ABCB6: variants seen among roughly 807,000 people sequenced by gnomAD.
The protein encoded by ABCB6 is ATP binding cassette subfamily B member 6 (LAN blood group).
ABCB6 carries 87 observed loss-of-function variants against 99.4 expected under a neutral mutation model. That is an observed-to-expected ratio of 0.88 (90% CI 0.74 to 1.05). The LOEUF (loss-of-function observed/expected upper bound fraction) is 1.05, where lower values mean the gene tolerates loss of function less well. Ranked by LOEUF, ABCB6 falls within the 50% of genes least tolerant of loss-of-function variation. The pLI is 0.00. For missense variants in ABCB6, 1,050 were observed against 1,097.9 expected, an observed-to-expected ratio of 0.96 and a Z score of 0.62; for synonymous variants, 482 against 447.5, an observed-to-expected ratio of 1.08 and a Z score of -0.97.
At chr2:219,211,574 G>T (rs1377860777) in intron 14 of ABCB6, among the ~76,000 whole-genome samples, 1 of 151,118 alleles carries the variant, frequency 6.6e-6, no homozygotes, top group East Asian at 1.9e-4. Context: ...AAAGTGTTGG[G>T]ATTACAGGTG....
chr2:219,215,829 A>G (rs761915464), intron 5 of ABCB6, 168 bp downstream of exon 5: 4 of 641,624 alleles, frequency 6.2e-6, no homozygotes, highest in Non-Finnish European at 4.8e-6. Context: ...CTCTGCCCGC[A>G]TTACCTAAGT....
Position 219,213,005 on chromosome 2 carries a change from C to T in ABCB6, c.1863+3G>A, listed in dbSNP as rs758584770. 48 of 1,613,948 alleles carry T rather than the reference C, an allele frequency of 3.0e-5. No homozygotes were observed. Among genetic ancestry groups the T allele is most frequent in the Non-Finnish European group, 4.1e-5 (48 of 1,179,914 alleles). On this transcript the variant is annotated splice_donor_region_variant and intron_variant, in intron 13 of 18. Coordinates refer to ENST00000265316, the MANE Select transcript of ABCB6 (RefSeq NM_005689.4). ...TGGGCCAAGTGGCTGGGTCTCCTCT[C>T]ACCAGGGCAAGTGTCTGTCCAGGCA...
At position 219,211,098 on chromosome 2, in the gene ABCB6, G is replaced by A. The variant is rs140239756; in HGVS notation, c.1979C>T (p.Ala660Val). The A allele has an allele frequency of 1.9e-5, 30 of 1,613,984 alleles. No individual in the cohort carries two copies. The African/African-American group carries it at 4.0e-4, about 22-fold the overall frequency. Residue 660 changes from alanine (A) to valine (V), a missense_variant, in exon 15 of 19, where the codon GCC becomes GTC. Transcript: ENST00000265316. ...AACTCCAATGTGAGACCGGAGAGAG[G>A]CCTGGGTCACCTAGGGCCAAAAGAC... is the stretch of plus-strand genomic sequence containing the variant. The part of the protein sequence containing the change: ...DGQDISQVTQ[A>V]SLRSHIGVVP...
chr2:219,217,987 C>T, intron 1 of ABCB6, 138 bp downstream of exon 1: 2 of 1,372,136 alleles, frequency 1.5e-6, no homozygotes, highest in Non-Finnish European at 1.9e-6. Context: ...TGGCTATCAG[C>T]TCCCGGCAGG....
chr2:219,216,372 C>A lies in ABCB6; in HGVS notation c.962G>T (p.Gly321Val). 1 of 1,613,938 alleles carries A rather than the reference C, an allele frequency of 6.2e-7. No individual in the cohort carries two copies. The highest frequency in any genetic ancestry group is 8.5e-7 in the Non-Finnish European group (1 of 1,179,834). Residue 321 changes from glycine to valine, a missense_variant, in exon 4 of 19, where the codon GGC becomes GTC. Physicochemically the swap from Gly to Val is moderately radical, Grantham distance 109. Coordinates refer to ENST00000265316, the MANE Select transcript of ABCB6 (RefSeq NM_005689.4). This position sits in a 1 kb window ranked among gnomAD's most constrained non-coding sequence, Gnocchi z 4.2. Reference sequence around the variant, plus strand: ...GGCGGAGTCTCTCATACCTGTACTGCCAGTGCCACCCCCCTGGAGGAACTT... The same window carrying A: ...GGCGGAGTCTCTCATACCTGTACTGACAGTGCCACCCCCCTGGAGGAACTT... ...FLKFLQGGGT[G>V]STGFVSNLRT...
chr2:219,211,292 C>A (rs1950576251), intron 14 of ABCB6, among the ~76,000 whole-genome samples, 184 bp from the exon 15 acceptor site: 2 of 152,178 alleles, frequency 1.3e-5, no homozygotes, highest in South Asian at 4.1e-4. Context: ...TCCTGCTTCA[C>A]CAGATTGCTG....
chr2:219,215,451 G>T, intron 5 of ABCB6: 1 of 206,892 alleles, frequency 4.8e-6, no homozygotes, highest in South Asian at 7.2e-5. Context: ...ATGCAAAAAA[G>T]CAGAACCCAG....
intron 10 of ABCB6, 34 bp downstream of exon 10, chr2:219,213,556 G>A: frequency 6.2e-7 from 1 of 1,613,970 alleles, no homozygotes; most frequent in Admixed American, 1.7e-5. Context: ...ATAATAATGT[G>A]CCCTGGACAG....
Position 219,216,873 on chromosome 2 carries a change from A to C in ABCB6, c.688-41T>G, listed in dbSNP as rs1237316638. On this transcript the variant is annotated intron_variant, in intron 2 of 18. Transcript: ENST00000265316. This position sits in a 1 kb window ranked among gnomAD's most constrained non-coding sequence, Gnocchi z 4.2. Reference sequence around the variant, plus strand: ...ACGTAGGAAGGGAGCTCAGAAATCAAGTAAGTGCACTAGCCAGAAACCCTT... The same window carrying C: ...ACGTAGGAAGGGAGCTCAGAAATCACGTAAGTGCACTAGCCAGAAACCCTT... 5 of 1,567,108 alleles carry C rather than the reference A, an allele frequency of 3.2e-6. No homozygotes were observed. The African/African-American group carries it at 5.4e-5, about 17-fold the overall frequency.
rs1304904783 is a variant in ABCB6, at chr2:219,216,131, G to GA, written c.1019dup (p.Thr341HisfsTer93). Reference sequence around the variant, plus strand: ...TGAGCAGCTCCACCCGCCGAGACGTGAACTGCTGCACCCGGATCCACAGGA... The same window carrying GA: ...TGAGCAGCTCCACCCGCCGAGACGTGAAACTGCTGCACCCGGATCCACAGGA... On this transcript the variant is annotated frameshift_variant, in exon 5 of 19. Coordinates refer to ENST00000265316, the MANE Select transcript of ABCB6 (RefSeq NM_005689.4). LOFTEE classifies it high-confidence loss of function. This position sits in a 1 kb window ranked among gnomAD's most constrained non-coding sequence, Gnocchi z 4.2. 7 of 1,602,858 alleles carry GA rather than the reference G, an allele frequency of 4.4e-6. No individual in the cohort carries two copies. The highest frequency in any genetic ancestry group is 1.3e-5 in the African/African-American group (1 of 74,746).
Position 219,217,776 on chromosome 2 carries a change from A to G in ABCB6, c.581T>C (p.Val194Ala). 6.2e-6 allele frequency: 10 copies of G among 1,614,020 alleles called. No individual in the cohort carries two copies. The highest frequency in any genetic ancestry group is 8.5e-6 in the Non-Finnish European group (10 of 1,179,964). The change falls in exon 2 of 19, where the codon GTG becomes GCG. Residue 194 changes from valine to alanine, a missense_variant. Transcript: ENST00000265316. ...CAGGACAAACAGCCCTCCAGAGACC[A>G]CATACCGCAGCACCCACAGGCTAAA... ...VQFSLWVLRYVVSGGLFVLGL... is the reference protein window; with the variant it reads ...VQFSLWVLRYAVSGGLFVLGL...
chr2:219,213,641 G>T lies in ABCB6; in HGVS notation c.1604C>A (p.Thr535Asn). ...LQVGDYVLFG[T>N]YIIQLYMPLN... ...GGGCATGTACAGCTGGATAATGTAG[G>T]TGCCAAAGAGCACATAGTCCCCAAC... The change falls in exon 10 of 19, where the codon ACC (threonine) becomes AAC (asparagine). Residue 535 changes from threonine (T) to asparagine (N), a missense_variant. Physicochemically the swap from Thr to Asn is moderately conservative, Grantham distance 65. Coordinates refer to ENST00000265316, the MANE Select transcript of ABCB6 (RefSeq NM_005689.4). 2 of 1,614,182 alleles carry T rather than the reference G, an allele frequency of 1.2e-6. No homozygotes were observed. The highest frequency in any genetic ancestry group is 1.7e-6 in the Non-Finnish European group (2 of 1,180,040).
intron 16 of ABCB6, 93 bp downstream of exon 16, chr2:219,210,617 AT>A: frequency 6.3e-7 from 1 of 1,598,334 alleles, no homozygotes; most frequent in Non-Finnish European, 8.6e-7. Flanking sequence ...TGAGATTTGA[AT>A]TCATGGTATC....
intron 6 of ABCB6, 56 bp from the exon 7 acceptor site, chr2:219,214,554 C>T: frequency 7.6e-7 from 1 of 1,313,080 alleles, no homozygotes; most frequent in African/African-American, 1.4e-5. Flanking sequence ...AAGCAGAGAC[C>T]AAATGTCAAT....
At position 219,216,096 on chromosome 2, in the gene ABCB6, T is replaced by C; in HGVS notation, c.1055A>G (p.His352Arg). The C allele has an allele frequency of 6.3e-7, 1 of 1,584,274 alleles. No individual in the cohort carries two copies. Among genetic ancestry groups the C allele is most frequent in the South Asian group, 1.1e-5 (1 of 87,166 alleles). Reference protein sequence around the residue: ...SRRVELLIFSHLHELSLRWHL... With the variant: ...SRRVELLIFSRLHELSLRWHL... ...CCAGCGCAGTGAGAGCTCGTGCAGG[T>C]GGGAGAAGATGAGCAGCTCCACCCG... Residue 352 changes from histidine to arginine, a missense_variant, in exon 5 of 19, where the codon CAC becomes CGC. His to Arg is a conservative substitution (Grantham distance 29, BLOSUM62 0). Coordinates refer to ENST00000265316, the MANE Select transcript of ABCB6 (RefSeq NM_005689.4). The surrounding 1 kb of genome is among the most constrained non-coding windows in gnomAD (Gnocchi z 4.2).
chr2:219,213,129 G>A, intron 12 of ABCB6, 64 bp from the exon 13 acceptor site: 1 of 1,604,294 alleles, frequency 6.2e-7, no homozygotes, highest in African/African-American at 1.3e-5. Flanking sequence ...AGTAGGCCCT[G>A]CCCCTCCCCT....
intron 9 of ABCB6, 47 bp downstream of exon 9, chr2:219,213,779 C>T (rs757993411): frequency 6.2e-7 from 1 of 1,613,530 alleles, no homozygotes; most frequent in Admixed American, 1.7e-5. Flanking sequence ...AGGCCTCAGG[C>T]CCCCTTTTCC....
chr2:219,210,180 T>A (rs932443454), intron 18 of ABCB6, 50 bp downstream of exon 18: 1 of 1,611,640 alleles, frequency 6.2e-7, no homozygotes, highest in African/African-American at 1.3e-5. Context: ...CCCCCTTTCC[T>A]GGAGCCCCCA....
In ABCB6 at chr2:219,213,909, G is replaced by C; in HGVS notation, c.1495C>G (p.Gln499Glu). ...KSSASLVLLNQTQNLVIGLGL... is the reference protein window; with the variant it reads ...KSSASLVLLNETQNLVIGLGL... The stretch of plus-strand genomic sequence containing the variant: ...AGCCCAATCACCAGGTTCTGGGTCT[G>C]ATTTAGTAAAACCAGTGAAGCGCTC... Residue 499 changes from glutamine (Q) to glutamate (E), a missense_variant, in exon 9 of 19, where the codon CAG becomes GAG. By Grantham distance (29) the Gln-to-Glu change is conservative. Transcript: ENST00000265316. The C allele has an allele frequency of 1.9e-6, 3 of 1,614,120 alleles. No individual in the cohort carries two copies. The highest frequency in any genetic ancestry group is 2.5e-6 in the Non-Finnish European group (3 of 1,180,042).
Sources: gnomAD v4.1 joint callset for allele counts (sites outside exome capture counted in the v4.1 genomes callset) on GRCh38, gnomAD v4.1.1 for gene constraint, Gnocchi (gnomAD v3.1) non-coding constraint, MANE v1.5 for transcripts, NCBI Gene and HGNC (gene_info 2026-07-23, HGNC 2026-07-21) for gene names.